Variants in EIF3H observed in about 807,000 individuals in gnomAD.
EIF3H encodes eIF-3-gamma.
A neutral mutation model predicts 44.2 loss-of-function variants in EIF3H; 26 were observed. The observed-to-expected ratio is 0.59, with a 90% CI of 0.43 to 0.82. The LOEUF is 0.82. Among genes scored for constraint, EIF3H ranks in the 40% least tolerant of loss-of-function variants. The pLI is 0.00. For missense variants in EIF3H, 359 were observed against 432.8 expected (o/e 0.83, Z 1.51); for synonymous variants, 166 against 151.9 (o/e 1.09, Z -0.68).
At chr8:116,729,649 A>C (rs1814918329) in intron 1 of EIF3H, among the ~76,000 whole-genome samples, 1 of 152,236 alleles carries the variant, frequency 6.6e-6, no homozygotes, top group African/African-American at 2.4e-5. Flanking sequence ...CTAAGAAATG[A>C]GAAAAGCACA....
intron 1 of EIF3H, among the ~76,000 whole-genome samples, chr8:116,755,411 A>G (rs1815423219): frequency 6.6e-6 from 1 of 152,140 alleles, no homozygotes; most frequent in Non-Finnish European, 1.5e-5. Flanking sequence ...ATCTCAAAAC[A>G]AGACCCCAGG....
At chr8:116,748,766 C>T (rs989246193) in intron 1 of EIF3H, among the ~76,000 whole-genome samples, 12 of 152,204 alleles carry the variant, frequency 7.9e-5, no homozygotes, top group Non-Finnish European at 1.5e-4. Context: ...TTCGCAGATG[C>T]TCAAGTCCTT....
At chr8:116,699,740 C>A (rs972240382) in intron 2 of EIF3H, among the ~76,000 whole-genome samples, 2 of 152,158 alleles carry the variant, frequency 1.3e-5, no homozygotes, top group Admixed American at 6.5e-5. Flanking sequence ...AATGCATAGG[C>A]GCCCTAATTA....
intron 2 of EIF3H, among the ~76,000 whole-genome samples, chr8:116,709,293 A>G (rs1465614940): frequency 6.6e-6 from 1 of 152,148 alleles, no homozygotes; most frequent in African/African-American, 2.4e-5. Context: ...TGCCCAAAAA[A>G]TTTTTTAAAA....
intron 2 of EIF3H, among the ~76,000 whole-genome samples, chr8:116,702,067 A>G (rs993850440): frequency 1.3e-5 from 2 of 152,210 alleles, no homozygotes; most frequent in Non-Finnish European, 2.9e-5. Context: ...CATATGATCT[A>G]TGAGACATGC....
intron 1 of EIF3H, among the ~76,000 whole-genome samples, chr8:116,730,139 A>G (rs1349127027): frequency 6.6e-6 from 1 of 152,208 alleles, no homozygotes; most frequent in East Asian, 1.9e-4. Context: ...TAGTTCAAGA[A>G]GTAATGTCAT....
rs755676342 is a variant in EIF3H at position 116,642,601 on chromosome 8, A to G, written c.*2405T>C. On this transcript the variant is annotated 3_prime_UTR_variant, in exon 8 of 8. Transcript: ENST00000521861. Reference sequence around the variant, plus strand: ...CATTCGATTTTTTCATTAGATTAACATGCTAGCTTTTCCTGTCTTTCTGTT... The same window carrying G: ...CATTCGATTTTTTCATTAGATTAACGTGCTAGCTTTTCCTGTCTTTCTGTT... The G allele has an allele frequency of 6.6e-6, 1 of 152,192 alleles. No individual in the cohort carries two copies. The highest frequency in any genetic ancestry group is 1.5e-5 in the Non-Finnish European group (1 of 68,014). 9.4% of individuals were successfully genotyped at this position (152,192 alleles called of 1,614,324 possible). A position where few individuals can be genotyped will look rare whatever the true frequency, so the allele number is the denominator to read the frequency against.
At chr8:116,701,538 G>A (rs1814375335) in intron 2 of EIF3H, among the ~76,000 whole-genome samples, 1 of 152,104 alleles carries the variant, frequency 6.6e-6, no homozygotes, top group South Asian at 2.1e-4. Flanking sequence ...TAACTTTTCA[G>A]TGAAGAAACC....
intron 2 of EIF3H, among the ~76,000 whole-genome samples, chr8:116,674,255 T>C (rs928988079): frequency 2.2e-5 from 3 of 135,588 alleles, no homozygotes; most frequent in African/African-American, 8.3e-5. Context: ...TAAGACATCA[T>C]ATATTAACAG....
chr8:116,644,701 G>A lies in EIF3H; in HGVS notation c.*305C>T, dbSNP rs1490212023. 2 of 258,774 alleles carry A rather than the reference G, an allele frequency of 7.7e-6. No homozygotes were observed. The highest frequency in any genetic ancestry group is 4.4e-5 in the African/African-American group (2 of 45,522). 16.0% of individuals were successfully genotyped at this position (258,774 alleles called of 1,614,324 possible). A position where few individuals can be genotyped will look rare whatever the true frequency, so the allele number is the denominator to read the frequency against. On this transcript the variant is annotated 3_prime_UTR_variant, in exon 8 of 8. Transcript: ENST00000521861. ...AGGTGGCACCTGAGAGGCAGCAAAA[G>A]TGGTGGAGCCTATAGGTTTCTGCCT... is the stretch of plus-strand genomic sequence containing the variant.
At chr8:116,686,847 A>T (rs1814086964) in intron 2 of EIF3H, among the ~76,000 whole-genome samples, 1 of 152,202 alleles carries the variant, frequency 6.6e-6, no homozygotes, top group African/African-American at 2.4e-5. Context: ...ACCACTGTGC[A>T]AAGGGATAAA....
chr8:116,726,045 T>C lies in EIF3H; in HGVS notation c.260A>G (p.His87Arg), dbSNP rs770830846. ...EITNCFPFPQ[H>R]TEDDADFDEV... is the part of the protein sequence containing the mutation. The stretch of plus-strand genomic sequence containing the variant: ...ATCAAAGTCAGCATCATCCTCTGTG[T>C]GCTGAGGGAAAGGAAAGCAGTTGGT... Residue 87 changes from histidine to arginine, a missense_variant, in exon 2 of 8, where the codon CAC becomes CGC. Coordinates refer to ENST00000521861, the MANE Select transcript of EIF3H (RefSeq NM_003756.3). 1.4e-5 allele frequency: 22 copies of C among 1,613,928 alleles called. No individual in the cohort carries two copies. The highest frequency in any genetic ancestry group is 2.7e-5 in the African/African-American group (2 of 74,928).
intron 2 of EIF3H, among the ~76,000 whole-genome samples, chr8:116,716,916 A>G (rs1195428662): frequency 1.3e-5 from 2 of 152,118 alleles, no homozygotes; most frequent in Non-Finnish European, 2.9e-5. Context: ...ATATATACTC[A>G]TTAAAATTAT....
At chr8:116,754,826 T>C (rs748739746) in intron 1 of EIF3H, among the ~76,000 whole-genome samples, 6 of 152,258 alleles carry the variant, frequency 3.9e-5, no homozygotes, top group Non-Finnish European at 7.3e-5. Flanking sequence ...AAATACCTGC[T>C]TGCAATTACA....
intron 1 of EIF3H, among the ~76,000 whole-genome samples, chr8:116,752,717 AAAGAAAGAAAGAAAG>A (rs1815366672): frequency 7.3e-6 from 1 of 136,596 alleles, no homozygotes; most frequent in African/African-American, 2.6e-5. Flanking sequence ...AGAAAGAAAG[AAAGAAAGAAAGAAAG>A]AAGAGAAAGA....
At chr8:116,705,501 A>T (rs4341195) in intron 2 of EIF3H, among the ~76,000 whole-genome samples, 30 of 129,402 alleles carry the variant, frequency 2.3e-4, no homozygotes, top group African/African-American at 7.3e-4. Flanking sequence ...ACCCCCCCCC[A>T]CCACCAACAC....
At chr8:116,665,444 G>T (rs1056377323) in intron 2 of EIF3H, among the ~76,000 whole-genome samples, 1 of 152,024 alleles carries the variant, frequency 6.6e-6, no homozygotes, top group Admixed American at 6.6e-5. Flanking sequence ...GACCTATACA[G>T]GTATATAGAT....
chr8:116,733,334 T>A (rs1814982276), intron 1 of EIF3H, among the ~76,000 whole-genome samples: 2 of 152,134 alleles, frequency 1.3e-5, no homozygotes, highest in African/African-American at 4.8e-5. Context: ...TAACGGAGCT[T>A]CATCTCCAGC....
intron 2 of EIF3H, among the ~76,000 whole-genome samples, chr8:116,663,755 A>G (rs1209055276): frequency 6.6e-6 from 1 of 152,016 alleles, no homozygotes; most frequent in Admixed American, 6.6e-5. Flanking sequence ...ACATGGTGAA[A>G]CCTCGTCTCT....
Sources: gnomAD v4.1 joint callset for allele counts (sites outside exome capture counted in the v4.1 genomes callset) on GRCh38, gnomAD v4.1.1 for gene constraint, MANE v1.5 for transcripts, NCBI Gene and HGNC (gene_info 2026-07-23, HGNC 2026-07-21) for gene names.